The following IL27RA variants were observed in gnomAD, a reference collection of about 807,000 sequenced individuals.
IL27RA encodes interleukin-27 receptor subunit alpha.
IL27RA carries 61 observed loss-of-function variants against 80.8 expected under a neutral mutation model. That is an observed-to-expected ratio of 0.76 (90% CI 0.61 to 0.93). The LOEUF (loss-of-function observed/expected upper bound fraction) is 0.93, where lower values mean the gene tolerates loss of function less well. IL27RA is among the 40% of genes least tolerant of loss of function. The pLI is 0.00. For synonymous variants in IL27RA, 316 were observed against 332.5 expected (o/e 0.95, Z 0.54); for missense variants, 735 against 808.1 (o/e 0.91, Z 1.10).
intron 2 of IL27RA, among the ~76,000 whole-genome samples, 173 bp downstream of exon 2, chr19:14,032,676 C>T (rs1269347119): frequency 6.7e-5 from 10 of 149,082 alleles, no homozygotes; most frequent in African/African-American, 2.5e-4. Flanking sequence ...GGTGGTGGCG[C>T]GCGCCTGTAG....
intron 2 of IL27RA, among the ~76,000 whole-genome samples, chr19:14,034,311 A>G (rs1233087638): frequency 6.6e-6 from 1 of 152,192 alleles, no homozygotes; most frequent in Non-Finnish European, 1.5e-5. Context: ...ATGAAAGATA[A>G]GAATGGGAGA....
intron 6 of IL27RA, among the ~76,000 whole-genome samples, chr19:14,043,691 T>A (rs961712878): frequency 6.6e-6 from 1 of 151,614 alleles, no homozygotes; most frequent in Middle Eastern, 3.2e-3. Flanking sequence ...CCCAAAGTGC[T>A]GGAATTACAG....
At chr19:14,047,006 A>G (rs558441368) in intron 8 of IL27RA, among the ~76,000 whole-genome samples, 1 of 151,944 alleles carries the variant, frequency 6.6e-6, no homozygotes, top group East Asian at 1.9e-4. Flanking sequence ...CAAAAAATAA[A>G]TAAATAAATA....
At position 14,053,137 on chromosome 19, in the gene IL27RA, G is replaced by GAAAT; in HGVS notation, c.*848_*851dup. The GAAAT allele has an allele frequency of 6.5e-6, 1 of 153,294 alleles. No individual in the cohort carries two copies. The highest frequency in any genetic ancestry group is 2.1e-4 in the South Asian group (1 of 4,846). The allele number at this position is 153,294 out of a possible 1,614,324, so 9.5% of individuals were successfully genotyped here. On this transcript the variant is annotated 3_prime_UTR_variant, in exon 14 of 14. Transcript: ENST00000263379. ...CATACCCAAGGGGAAGGTGGAGCAA[G>GAAAT]AAATGAAAAGGAACCTGAATCCCTG...
At chr19:14,041,220 C>T (rs1418737771) in intron 4 of IL27RA, among the ~76,000 whole-genome samples, 12 of 140,350 alleles carry the variant, frequency 8.6e-5, no homozygotes, top group East Asian at 4.3e-4. Flanking sequence ...TTTTTTGAGA[C>T]GGAGTCTCAC....
Position 14,052,258 on chromosome 19 carries a change from C to G in IL27RA, c.1879C>G (p.Leu627Val). Residue 627 changes from leucine to valine, a missense_variant, in exon 14 of 14, where the codon CTG becomes GTG. Transcript: ENST00000263379. ...FLPTPEELGL[L>V]GPPRPQVLA ...GCCCACACCTGAGGAGCTGGGCCTT[C>G]TGGGGCCCCCCAGGCCACAGGTTCT... 4 of 1,545,030 alleles carry G rather than the reference C, an allele frequency of 2.6e-6. No individual in the cohort carries two copies. The highest frequency in any genetic ancestry group is 3.5e-6 in the Non-Finnish European group (4 of 1,148,756).
Position 14,036,326 on chromosome 19 carries a change from C to A in IL27RA, c.219-3182C>A, listed in dbSNP as rs185873076. On this transcript the variant is annotated intron_variant, in intron 2 of 13. Transcript: ENST00000263379. Reference sequence around the variant, plus strand: ...TACTCTTTGGCCATCATCTTCTCCCCCTAGCCTCTGTAGTCACCAGTTTAC... The same window carrying A: ...TACTCTTTGGCCATCATCTTCTCCCACTAGCCTCTGTAGTCACCAGTTTAC... Among the ~76,000 whole-genome samples, 263 of 152,020 alleles carry A rather than the reference C, an allele frequency of 1.7e-3. 1 individual carries two copies. Among genetic ancestry groups the A allele is most frequent in the African/African-American group, 6.1e-3 (252 of 41,492 alleles).
At position 14,042,356 on chromosome 19, in the gene IL27RA, T is replaced by C. The variant is rs574964576; in HGVS notation, c.535-97T>C. 154 of 1,323,496 alleles carry C rather than the reference T, an allele frequency of 1.2e-4. 1 individual carries two copies. In the South Asian group the frequency reaches 2.1e-3, roughly 18 times the overall value. The allele number at this position is 1,323,496 out of a possible 1,614,324, so 82.0% of individuals were successfully genotyped here. A position where few individuals can be genotyped will look rare whatever the true frequency, so the allele number is the denominator to read the frequency against. On this transcript the variant is annotated intron_variant, in intron 4 of 13. Transcript: ENST00000263379. ...ACTCTAGCCTGGGCCACAACGAGAC[T>C]GTCTCAAAACGAAAAACAAAGGAAA...
intron 2 of IL27RA, among the ~76,000 whole-genome samples, chr19:14,036,466 A>G (rs1164659059): frequency 6.7e-6 from 1 of 148,590 alleles, no homozygotes; most frequent in African/African-American, 2.5e-5. Flanking sequence ...TTCCATCCAC[A>G]TTGTTACAAA....
Position 14,042,562 on chromosome 19 carries a change from A to C in IL27RA, c.644A>C (p.Asp215Ala). 1 of 1,614,022 alleles carries C rather than the reference A, an allele frequency of 6.2e-7. No individual in the cohort carries two copies. The highest frequency in any genetic ancestry group is 1.1e-5 in the South Asian group (1 of 91,080). ...YGRCRMEKEEDLWGEWSPILS... is the reference protein window; with the variant it reads ...YGRCRMEKEEALWGEWSPILS... Reference sequence around the variant, plus strand: ...CGCTGCCGGATGGAGAAAGAAGAGGATTTGTGGGGCGAGTGGAGCCCCATT... The same window carrying C: ...CGCTGCCGGATGGAGAAAGAAGAGGCTTTGTGGGGCGAGTGGAGCCCCATT... Residue 215 changes from aspartate to alanine, a missense_variant, in exon 5 of 14, where the codon GAT becomes GCT. By Grantham distance (126) the Asp-to-Ala change is moderately radical (BLOSUM62 -2). Transcript: ENST00000263379.
intron 2 of IL27RA, among the ~76,000 whole-genome samples, chr19:14,036,489 C>CT (rs34609073): frequency 0.27 from 36,401 of 135,318 alleles, 5,878 homozygotes; most frequent in African/African-American, 0.44. Flanking sequence ...ACAGGATTTC[C>CT]TTTTTTTTTT....
At position 14,050,724 on chromosome 19, in the gene IL27RA, C is replaced by T. The variant is rs755985667; in HGVS notation, c.1403-34C>T. On this transcript the variant is annotated intron_variant, in intron 10 of 13. Transcript: ENST00000263379. ...TGCAAAGGCCCTGTGGTAGGCTTGACCACCTCCCCAACTTCTTTGGTTGTG... is the reference window on the plus strand; with the variant it reads ...TGCAAAGGCCCTGTGGTAGGCTTGATCACCTCCCCAACTTCTTTGGTTGTG... The T allele has an allele frequency of 1.9e-6, 3 of 1,592,228 alleles. No individual in the cohort carries two copies. In the South Asian group the frequency reaches 3.4e-5, roughly 18 times the overall value.
At chr19:14,033,071 C>G (rs953598986) in intron 2 of IL27RA, among the ~76,000 whole-genome samples, 13 of 147,278 alleles carry the variant, frequency 8.8e-5, no homozygotes, top group African/African-American at 3.3e-4. Context: ...AGGAGGAGTT[C>G]AGAGTTTTAG....
At chr19:14,039,717 G>T in intron 3 of IL27RA, 36 bp from the exon 4 acceptor site, 2 of 1,610,482 alleles carry the variant, frequency 1.2e-6, no homozygotes, top group Non-Finnish European at 1.7e-6. Context: ...CTCTTGGAGG[G>T]CGTGGCTCAC....
intron 6 of IL27RA, among the ~76,000 whole-genome samples, chr19:14,044,803 T>C (rs943995546): frequency 1.3e-5 from 2 of 151,156 alleles, no homozygotes; most frequent in Admixed American, 1.3e-4. Context: ...CTGGGCAACA[T>C]AGCAAGCTAC....
chr19:14,046,138 T>TC lies in IL27RA; in HGVS notation c.769-13dup. 28 of 1,608,834 alleles carry TC rather than the reference T, an allele frequency of 1.7e-5. No homozygotes were observed. Among genetic ancestry groups the TC allele is most frequent in the Non-Finnish European group, 2.3e-5 (27 of 1,177,066 alleles). On this transcript the variant is annotated splice_polypyrimidine_tract_variant and intron_variant, in intron 6 of 13. Coordinates refer to ENST00000263379, the MANE Select transcript of IL27RA (RefSeq NM_004843.4). ...TTAATGGGAGACATTAACCCCTTTTTCCCTTCATCTCTCAGGCCCCAGGGC... is the reference window on the plus strand; with the variant it reads ...TTAATGGGAGACATTAACCCCTTTTTCCCCTTCATCTCTCAGGCCCCAGGGC...
chr19:14,032,024 G>C, intron 1 of IL27RA, 52 bp downstream of exon 1: 1 of 1,467,900 alleles, frequency 6.8e-7, no homozygotes, highest in African/African-American at 1.4e-5. Flanking sequence ...CGCTCCCCGC[G>C]AAGGCGCCAG....
chr19:14,039,151 G>A (rs1975949719), intron 2 of IL27RA, among the ~76,000 whole-genome samples: 3 of 151,876 alleles, frequency 2.0e-5, no homozygotes, highest in Admixed American at 2.0e-4. Context: ...GCCAGGTGTG[G>A]TGGCACACGC....
chr19:14,032,783 G>A (rs1417125399), intron 2 of IL27RA, among the ~76,000 whole-genome samples: 9 of 144,368 alleles, frequency 6.2e-5, no homozygotes, highest in Non-Finnish European at 1.1e-4. Context: ...TCCAGCCTGG[G>A]GGACAGAGGG....
Sources: allele counts gnomAD v4.1 joint callset (sites outside exome capture counted in the v4.1 genomes callset), GRCh38; gene constraint gnomAD v4.1.1; transcripts MANE v1.5; gene names NCBI Gene and HGNC (gene_info 2026-07-23, HGNC 2026-07-21).